The following GFRAL variants were observed in gnomAD, a reference collection of about 807,000 sequenced individuals.
GFRAL encodes the protein GDNF family receptor alpha-like.
In GFRAL, 36 loss-of-function variants were observed where a neutral mutation model predicts 45.4. The observed-to-expected ratio is 0.79, with a 90% CI of 0.61 to 1.05. The LOEUF is 1.05. GFRAL is among the 50% of genes least tolerant of loss of function. The probability of loss-of-function intolerance (pLI) is 0.00; values close to 1 mark genes in which losing one functional copy is unlikely to be tolerated. For missense variants in GFRAL, 507 were observed against 467.5 expected (o/e 1.08, Z -0.78); for synonymous variants, 166 against 154.1 (o/e 1.08, Z -0.57).
At chr6:55,333,729 A>G (rs1416738640) in intron 2 of GFRAL, 57 bp from the exon 3 acceptor site, 3 of 1,171,154 alleles carry the variant, frequency 2.6e-6, no homozygotes, top group Non-Finnish European at 3.4e-6. Context: ...TTTGGGGAGG[A>G]AGAATCCAAA....
chr6:55,352,107 C>CACAA (rs2127355530), intron 5 of GFRAL, among the ~76,000 whole-genome samples: 1 of 152,154 alleles, frequency 6.6e-6, no homozygotes, highest in African/African-American at 2.4e-5. Flanking sequence ...CAATGTCAGG[C>CACAA]TTTAATACTG....
intron 6 of GFRAL, among the ~76,000 whole-genome samples, chr6:55,393,914 C>T (rs149630758): frequency 9.2e-4 from 140 of 152,162 alleles, no homozygotes; most frequent in African/African-American, 3.2e-3. Context: ...GAAGTGAAAA[C>T]AGGAAAAAAG....
At chr6:55,392,961 CAT>C (rs1768773264) in intron 6 of GFRAL, among the ~76,000 whole-genome samples, 1 of 151,974 alleles carries the variant, frequency 6.6e-6, no homozygotes, top group South Asian at 2.1e-4. Flanking sequence ...CCCAGAAAAA[CAT>C]ATGAAGAGAA....
At chr6:55,393,340 T>C (rs574477828) in intron 6 of GFRAL, among the ~76,000 whole-genome samples, 1 of 152,226 alleles carries the variant, frequency 6.6e-6, no homozygotes, top group Non-Finnish European at 1.5e-5. Flanking sequence ...ACTTATGGGA[T>C]CTTTTGTTTG....
intron 3 of GFRAL, among the ~76,000 whole-genome samples, chr6:55,346,949 T>C (rs1407868366): frequency 6.6e-6 from 1 of 151,942 alleles, no homozygotes; most frequent in Non-Finnish European, 1.5e-5. Context: ...GTAATTAATT[T>C]TTTAATTTGT....
chr6:55,401,295 C>T (rs2127368345), intron 8 of GFRAL, among the ~76,000 whole-genome samples: 1 of 152,172 alleles, frequency 6.6e-6, no homozygotes, highest in South Asian at 2.1e-4. Flanking sequence ...TTAAAGCCAT[C>T]ATAAAAAGAA....
chr6:55,341,893 C>T (rs184458504), intron 3 of GFRAL, among the ~76,000 whole-genome samples: 10 of 151,812 alleles, frequency 6.6e-5, no homozygotes, highest in South Asian at 2.1e-4. Context: ...CTTCAGTAGC[C>T]GATTCGATCA....
intron 6 of GFRAL, among the ~76,000 whole-genome samples, chr6:55,363,816 T>C (rs1768314447): frequency 6.6e-6 from 1 of 151,642 alleles, no homozygotes; most frequent in Non-Finnish European, 1.5e-5. Flanking sequence ...ATGTGCCACA[T>C]TTTCTTAATC....
chr6:55,349,282 C>T (rs1215591748), intron 3 of GFRAL, among the ~76,000 whole-genome samples: 1 of 151,996 alleles, frequency 6.6e-6, no homozygotes, highest in Non-Finnish European at 1.5e-5. Context: ...CAGATTAGGA[C>T]ATAATCATGA....
At chr6:55,400,660 C>T (rs1768884248) in intron 8 of GFRAL, among the ~76,000 whole-genome samples, 1 of 79,558 alleles carries the variant, frequency 1.3e-5, no homozygotes. Flanking sequence ...TGCTTTTCTC[C>T]AAGGCCTTAA....
chr6:55,348,153 C>T (rs929830868), intron 3 of GFRAL, among the ~76,000 whole-genome samples: 1 of 151,780 alleles, frequency 6.6e-6, no homozygotes, highest in African/African-American at 2.4e-5. Context: ...TTGGTGAATA[C>T]TTTTATTTGT....
In GFRAL at chr6:55,401,917, C is replaced by A; in HGVS notation, c.*64C>A. The stretch of plus-strand genomic sequence containing the variant: ...CTCTGCTTTTCTTCTTTCCTCTTTT[C>A]TTCTCTCCTCTCCTCTCCTCTCTTC... On this transcript the variant is annotated 3_prime_UTR_variant, in exon 9 of 9. Coordinates refer to ENST00000340465, the MANE Select transcript of GFRAL (RefSeq NM_207410.2). The A allele has an allele frequency of 1.3e-6, 1 of 799,434 alleles. No homozygotes were observed. Among genetic ancestry groups the A allele is most frequent in the African/African-American group, 1.7e-5 (1 of 58,538 alleles). The allele number at this position is 799,434 out of a possible 1,614,324, so 49.5% of individuals were successfully genotyped here.
In GFRAL at chr6:55,331,900, A is replaced by G. The variant is rs746534755; in HGVS notation, c.157+51A>G. On this transcript the variant is annotated intron_variant, in intron 2 of 8. Coordinates refer to ENST00000340465, the MANE Select transcript of GFRAL (RefSeq NM_207410.2). ...CAAATGATTTATTTTTACTAAGATA[A>G]AAACAGGATTTGATATTTTGTCATT... is the stretch of plus-strand genomic sequence containing the variant. The G allele has an allele frequency of 4.6e-6, 7 of 1,526,808 alleles. No homozygotes were observed. The Admixed American group carries it at 1.1e-4, about 24-fold the overall frequency. The allele number at this position is 1,526,808 out of a possible 1,614,324, so 94.6% of individuals were successfully genotyped here.
intron 5 of GFRAL, among the ~76,000 whole-genome samples, chr6:55,356,311 T>G (rs968569061): frequency 2.0e-5 from 3 of 151,892 alleles, no homozygotes; most frequent in Non-Finnish European, 4.4e-5. Flanking sequence ...CCTCTCTAAG[T>G]GTTTGGTAAA....
chr6:55,345,730 A>C (rs1036183235), intron 3 of GFRAL, among the ~76,000 whole-genome samples: 1 of 152,198 alleles, frequency 6.6e-6, no homozygotes, highest in African/African-American at 2.4e-5. Context: ...TGTACAGCAA[A>C]AGAAACTACC....
chr6:55,336,416 G>A (rs1250479386), intron 3 of GFRAL, among the ~76,000 whole-genome samples: 1 of 152,118 alleles, frequency 6.6e-6, no homozygotes, highest in Non-Finnish European at 1.5e-5. Flanking sequence ...CATTGATGTA[G>A]TTCATCAGTA....
chr6:55,375,555 C>T (rs959995077), intron 6 of GFRAL, among the ~76,000 whole-genome samples: 3 of 152,094 alleles, frequency 2.0e-5, no homozygotes, highest in East Asian at 1.9e-4. Context: ...GATATAGGAT[C>T]GTATCATCTG....
intron 6 of GFRAL, among the ~76,000 whole-genome samples, chr6:55,361,802 G>A (rs895472925): frequency 2.0e-5 from 3 of 151,880 alleles, no homozygotes; most frequent in Non-Finnish European, 4.4e-5. Flanking sequence ...TCAAAAGATC[G>A]GTCATTACAG....
chr6:55,353,679 A>C (rs1448152854), intron 5 of GFRAL, among the ~76,000 whole-genome samples: 1 of 152,130 alleles, frequency 6.6e-6, no homozygotes, highest in Non-Finnish European at 1.5e-5. Context: ...ATTGATTCTA[A>C]GATGCAATTT....
Sources: allele counts gnomAD v4.1 joint callset (sites outside exome capture counted in the v4.1 genomes callset), GRCh38; gene constraint gnomAD v4.1.1; transcripts MANE v1.5; gene names NCBI Gene and HGNC (gene_info 2026-07-23, HGNC 2026-07-21).